DYSF: variants seen among roughly 807,000 people sequenced by gnomAD.
DYSF encodes the protein dystrophy-associated fer-1-like 1.
A neutral mutation model predicts 274.9 loss-of-function variants in DYSF; 212 were observed. The ratio of observed to expected loss-of-function variants is 0.77; its 90% CI spans 0.69 to 0.86. The LOEUF is 0.86. DYSF is among the 40% of genes least tolerant of loss of function. The pLI is 0.00. For synonymous variants in DYSF, 1,091 were observed against 1,078.7 expected, an observed-to-expected ratio of 1.01 and a Z score of -0.22; for missense variants, 2,666 against 2,783.2, an observed-to-expected ratio of 0.96 and a Z score of 0.95.
Position 71,473,848 on chromosome 2 carries a change from C to T in DYSF, c.91+6915C>T, listed in dbSNP as rs189212843. On this transcript the variant is annotated intron_variant, in intron 1 of 55. Transcript: ENST00000410020. ...CATCCTCCCCAGCTGAAACTCTATA[C>T]CCATTGAACACTAACTCCCTATTCC... 4.0e-3 allele frequency among the ~76,000 whole-genome samples: 612 copies of T among 152,172 alleles called. 2 individuals are homozygous for T. Among genetic ancestry groups the T allele is most frequent in the African/African-American group, 0.014 (574 of 41,492 alleles).
intron 42 of DYSF, among the ~76,000 whole-genome samples, chr2:71,652,563 A>G (rs1438880704): frequency 6.6e-6 from 1 of 152,242 alleles, no homozygotes; most frequent in African/African-American, 2.4e-5. Context: ...AGTCTTGTGT[A>G]AGTTAAGAAT....
chr2:71,589,392 C>T (rs1197885326), intron 30 of DYSF, among the ~76,000 whole-genome samples: 1 of 152,204 alleles, frequency 6.6e-6, no homozygotes, highest in South Asian at 2.1e-4. Context: ...GAATTTCCTA[C>T]AGTCCTTTGG....
At chr2:71,554,947 C>T (rs1041125284) in intron 21 of DYSF, among the ~76,000 whole-genome samples, 3 of 151,986 alleles carry the variant, frequency 2.0e-5, no homozygotes, top group Admixed American at 6.5e-5. Flanking sequence ...ATGGGGACAG[C>T]TGGTGAGAAA....
At chr2:71,618,604 G>GGGGT (rs2094003397) in intron 40 of DYSF, among the ~76,000 whole-genome samples, 1 of 26,396 alleles carries the variant, frequency 3.8e-5, no homozygotes, top group Non-Finnish European at 9.1e-5. Context: ...TGGTAGAGGT[G>GGGGT]GTGGGTGTGG....
intron 26 of DYSF, among the ~76,000 whole-genome samples, chr2:71,569,591 C>G (rs954473368): frequency 8.5e-5 from 13 of 152,146 alleles, no homozygotes; most frequent in Non-Finnish European, 1.8e-4. Context: ...CCCCTTTTCT[C>G]TTTATCTTGG....
chr2:71,674,422 C>T (rs1431568998), intron 52 of DYSF, 126 bp downstream of exon 52: 3 of 844,394 alleles, frequency 3.6e-6, no homozygotes, highest in Non-Finnish European at 5.9e-6. Flanking sequence ...TTTCTGCTTT[C>T]AGGGAGCTCA....
intron 29 of DYSF, among the ~76,000 whole-genome samples, chr2:71,571,510 C>CCA (rs1212208775): frequency 8.7e-6 from 1 of 114,330 alleles, no homozygotes; most frequent in Non-Finnish European, 1.7e-5. Context: ...ATCACACCCA[C>CCA]CACACACAGC....
At chr2:71,548,215 T>C (rs752748) in intron 17 of DYSF, among the ~76,000 whole-genome samples, 121,454 of 152,158 alleles carry the variant, frequency 0.8, 49,857 homozygotes, top group African/African-American at 0.86. Context: ...CTCCTTGCTG[T>C]CTTTGCCCTG....
intron 45 of DYSF, among the ~76,000 whole-genome samples, chr2:71,662,639 T>TG (rs2094907521): frequency 5.5e-5 from 2 of 36,224 alleles, no homozygotes; most frequent in Non-Finnish European, 1.2e-4. Flanking sequence ...CATGTGTGTA[T>TG]TTTGTGTGTA....
intron 32 of DYSF, among the ~76,000 whole-genome samples, chr2:71,597,912 A>G (rs1456115647): frequency 6.6e-6 from 1 of 151,838 alleles, no homozygotes; most frequent in African/African-American, 2.4e-5. Context: ...TGCTCCCTCC[A>G]GTCTGTTCTC....
chr2:71,554,199 C>T (rs2091175651), intron 21 of DYSF, among the ~76,000 whole-genome samples: 1 of 152,204 alleles, frequency 6.6e-6, no homozygotes, highest in Admixed American at 6.5e-5. Flanking sequence ...GAAGGAAAAC[C>T]TATGCCACGC....
intron 4 of DYSF, among the ~76,000 whole-genome samples, chr2:71,509,596 T>TCCTCTCCTATTTATTTAC (rs1325837217): frequency 2.0e-4 from 30 of 152,340 alleles, no homozygotes; most frequent in Middle Eastern, 3.4e-3. Context: ...AAAAGCTTTC[T>TCCTCTCCTATTTATTTAC]CCTCTCCTAT....
At chr2:71,478,418 A>T (rs1000816896) in intron 1 of DYSF, among the ~76,000 whole-genome samples, 6 of 151,914 alleles carry the variant, frequency 3.9e-5, no homozygotes, top group Admixed American at 6.6e-5. Context: ...TCACCGTGTT[A>T]GCCAGGATGG....
intron 20 of DYSF, 104 bp from the exon 21 acceptor site, chr2:71,553,703 G>A (rs550043657): frequency 1.7e-6 from 2 of 1,203,488 alleles, no homozygotes; most frequent in African/African-American, 1.5e-5. Flanking sequence ...TCCCAGCTCT[G>A]CCAGTCCTAG....
At chr2:71,664,474 C>G (rs1282883232) in intron 46 of DYSF, 36 bp downstream of exon 46, 4 of 1,611,340 alleles carry the variant, frequency 2.5e-6, no homozygotes, top group Non-Finnish European at 3.4e-6. Context: ...GCTTCTCTGA[C>G]AACACACCAC....
intron 8 of DYSF, 53 bp from the exon 9 acceptor site, chr2:71,516,127 G>T (rs889590190): frequency 6.4e-7 from 1 of 1,557,236 alleles, no homozygotes; most frequent in African/African-American, 1.4e-5. Flanking sequence ...CCCTCTCCCT[G>T]GCCTGAGGGA....
chr2:71,567,710 T>A (rs1419122026), intron 24 of DYSF, among the ~76,000 whole-genome samples: 1 of 151,650 alleles, frequency 6.6e-6, no homozygotes, highest in South Asian at 2.1e-4. Context: ...TAGGAGGGAA[T>A]GATGTAGCCT....
chr2:71,486,589 T>A (rs890600375), intron 3 of DYSF, among the ~76,000 whole-genome samples: 1 of 151,960 alleles, frequency 6.6e-6, no homozygotes, highest in Non-Finnish European at 1.5e-5. Flanking sequence ...TGGCCCAGAG[T>A]GGGATCTGGG....
chr2:71,479,876 G>A (rs1490043149), intron 1 of DYSF, among the ~76,000 whole-genome samples: 2 of 152,178 alleles, frequency 1.3e-5, no homozygotes, highest in Non-Finnish European at 2.9e-5. Context: ...TCAAGGCCTT[G>A]GAGGGTGAAG....
Sources: gnomAD v4.1 joint callset for allele counts (sites outside exome capture counted in the v4.1 genomes callset) on GRCh38, gnomAD v4.1.1 for gene constraint, MANE v1.5 for transcripts, NCBI Gene and HGNC (gene_info 2026-07-23, HGNC 2026-07-21) for gene names.